TGM7: variants seen among roughly 807,000 people sequenced by gnomAD.
TGM7 encodes transglutaminase 7, also known as protein-glutamine gamma-glutamyltransferase Z.
A neutral mutation model predicts 79.5 loss-of-function variants in TGM7; 74 were observed. That is an observed-to-expected ratio of 0.93 (90% CI 0.77 to 1.13). The LOEUF (loss-of-function observed/expected upper bound fraction) is 1.13, where lower values mean the gene tolerates loss of function less well. TGM7 is among the 50% of genes most tolerant of loss of function. The pLI is 0.00. For missense variants in TGM7, 912 were observed against 905.9 expected (o/e 1.01, Z -0.09); for synonymous variants, 354 against 362.5 (o/e 0.98, Z 0.27).
rs143065351 is a variant in TGM7, at chr15:43,276,560, C to T, written c.2028G>A (p.Pro676=). Residue 676 remains proline, a synonymous_variant, in exon 13 of 13, where the codon CCG becomes CCA. Coordinates refer to ENST00000452443, the MANE Select transcript of TGM7 (RefSeq NM_052955.3). ...GGAGCTGGCGGGGTCCAGCTTTGGT[C>T]GGGTAGAGGTCCAGTTGAATTTGGA... ...HTLQIQLDLY[P]TKAGPRQLQV... 9.3e-6 allele frequency: 15 copies of T among 1,613,924 alleles called. No individual in the cohort carries two copies. The highest frequency in any genetic ancestry group is 6.7e-5 in the East Asian group (3 of 44,884).
At chr15:43,279,355 A>G (rs2042894438) in intron 10 of TGM7, 78 bp from the exon 11 acceptor site, 1 of 1,500,424 alleles carries the variant, frequency 6.7e-7, no homozygotes, top group Admixed American at 2.0e-5. Context: ...GAGAGAGGAA[A>G]AATTAGAATT....
intron 11 of TGM7, 21 bp downstream of exon 11, chr15:43,279,096 C>A: frequency 6.2e-7 from 1 of 1,601,830 alleles, no homozygotes; most frequent in Non-Finnish European, 8.5e-7. Flanking sequence ...CTCAGAGCCC[C>A]CACCCATGTC....
chr15:43,292,075 A>T lies in TGM7; in HGVS notation c.462T>A (p.Ser154Arg). ...WSPEDDVYLP[S>R]EILLQEYIMR... is the part of the protein sequence containing the mutation. ...TGATATACTCCTGCAGCAGTATTTC[A>T]CTTGGCAGGTAGACGTCGTCCTCTG... Residue 154 changes from serine to arginine, a missense_variant, in exon 4 of 13, where the codon AGT becomes AGA. Ser to Arg is a moderately radical substitution (Grantham distance 110). Transcript: ENST00000452443. The T allele has an allele frequency of 6.2e-7, 1 of 1,613,906 alleles. No individual in the cohort carries two copies. The highest frequency in any genetic ancestry group is 1.3e-5 in the African/African-American group (1 of 75,046).
chr15:43,293,644 A>G lies in TGM7; in HGVS notation c.11-13T>C. 1.9e-6 allele frequency: 3 copies of G among 1,586,282 alleles called. No homozygotes were observed. Among genetic ancestry groups the G allele is most frequent in the Non-Finnish European group, 2.6e-6 (3 of 1,168,102 alleles). ...CGCAAGGTTGCCACTAGGGGAGAGG[A>G]GGGGACAGGTCACGCCCACCTGCAG... is the stretch of plus-strand genomic sequence containing the variant. On this transcript the variant is annotated splice_polypyrimidine_tract_variant and intron_variant, in intron 1 of 12. Coordinates refer to ENST00000452443, the MANE Select transcript of TGM7 (RefSeq NM_052955.3).
At chr15:43,300,057 A>C (rs1566848626) in intron 1 of TGM7, among the ~76,000 whole-genome samples, 1 of 152,160 alleles carries the variant, frequency 6.6e-6, no homozygotes. Context: ...GACCATACTC[A>C]TATCTACCTC....
intron 1 of TGM7, 82 bp downstream of exon 1, chr15:43,302,159 C>A (rs148459583): frequency 6.4e-7 from 1 of 1,554,650 alleles, no homozygotes; most frequent in Non-Finnish European, 8.9e-7. Flanking sequence ...CTGTCGCTTC[C>A]CTACATCCTC....
intron 1 of TGM7, among the ~76,000 whole-genome samples, chr15:43,297,227 G>A (rs970083129): frequency 4.6e-5 from 7 of 152,014 alleles, no homozygotes; most frequent in African/African-American, 1.7e-4. Flanking sequence ...AGGCCGAGGC[G>A]GGTGGATCAC....
chr15:43,297,996 T>C (rs1281328977), intron 1 of TGM7, among the ~76,000 whole-genome samples: 1 of 152,256 alleles, frequency 6.6e-6, no homozygotes, highest in African/African-American at 2.4e-5. Context: ...GCATGGCTAA[T>C]GTTCGTGGAA....
chr15:43,294,983 A>AGCC (rs2042985399), intron 1 of TGM7, among the ~76,000 whole-genome samples: 1 of 151,580 alleles, frequency 6.6e-6, no homozygotes, highest in East Asian at 1.9e-4. Flanking sequence ...CTGCAGCCTC[A>AGCC]GCCTTCATTC....
chr15:43,284,536 A>G (rs191134862), intron 7 of TGM7, among the ~76,000 whole-genome samples: 1 of 152,296 alleles, frequency 6.6e-6, no homozygotes, highest in African/African-American at 2.4e-5. Context: ...AGATGAATAA[A>G]GACTTTTGAG....
chr15:43,289,549 C>G (rs2042954371), intron 4 of TGM7, among the ~76,000 whole-genome samples: 1 of 152,096 alleles, frequency 6.6e-6, no homozygotes, highest in Non-Finnish European at 1.5e-5. Flanking sequence ...TTTATAGCAG[C>G]ATGATTTATA....
intron 9 of TGM7, among the ~76,000 whole-genome samples, 170 bp from the exon 10 acceptor site, chr15:43,280,121 TTC>T (rs949610613): frequency 6.6e-6 from 1 of 152,126 alleles, no homozygotes; most frequent in Non-Finnish European, 1.5e-5. Flanking sequence ...TCTCTCAGTG[TTC>T]TGTTCTGTCA....
intron 11 of TGM7, among the ~76,000 whole-genome samples, chr15:43,277,918 G>T (rs2042886060): frequency 6.6e-6 from 1 of 152,264 alleles, no homozygotes; most frequent in South Asian, 2.1e-4. Context: ...GGAATCATCT[G>T]CAGATCCCTT....
At chr15:43,285,948 A>C (rs539796931) in intron 6 of TGM7, among the ~76,000 whole-genome samples, 5 of 152,242 alleles carry the variant, frequency 3.3e-5, no homozygotes, top group Admixed American at 2.0e-4. Flanking sequence ...GTGGGTACTG[A>C]CATCAGCCAG....
intron 1 of TGM7, among the ~76,000 whole-genome samples, chr15:43,298,613 C>T (rs1331726500): frequency 1.3e-5 from 2 of 151,970 alleles, no homozygotes; most frequent in Admixed American, 6.6e-5. Flanking sequence ...ATTAGCTGGG[C>T]ATGGTGGTGG....
chr15:43,301,207 T>A (rs2043023691), intron 1 of TGM7, among the ~76,000 whole-genome samples: 1 of 151,846 alleles, frequency 6.6e-6, no homozygotes, highest in Non-Finnish European at 1.5e-5. Context: ...GGTCTCGAAC[T>A]CCTCAGCTCA....
chr15:43,277,590 G>T (rs984636664), intron 11 of TGM7, among the ~76,000 whole-genome samples: 1 of 152,182 alleles, frequency 6.6e-6, no homozygotes, highest in Non-Finnish European at 1.5e-5. Flanking sequence ...GCATGCACTC[G>T]AGTTTTTCCA....
chr15:43,287,515 A>C, intron 5 of TGM7, 26 bp downstream of exon 5: 1 of 1,613,156 alleles, frequency 6.2e-7, no homozygotes, highest in East Asian at 2.2e-5. Context: ...GACTGTCCTC[A>C]GACGGCGGGA....
intron 4 of TGM7, among the ~76,000 whole-genome samples, chr15:43,289,976 A>G (rs1283349340): frequency 2.0e-5 from 3 of 152,138 alleles, no homozygotes; most frequent in Non-Finnish European, 4.4e-5. Flanking sequence ...CCTTTATCAG[A>G]TGAGTAGGTT....
Sources: gnomAD v4.1 joint callset for allele counts (sites outside exome capture counted in the v4.1 genomes callset) on GRCh38, gnomAD v4.1.1 for gene constraint, MANE v1.5 for transcripts, NCBI Gene and HGNC (gene_info 2026-07-23, HGNC 2026-07-21) for gene names.